Variants in HECTD2 observed in about 807,000 individuals in gnomAD.
HECTD2 encodes probable E3 ubiquitin-protein ligase HECTD2.
A neutral mutation model predicts 103.2 loss-of-function variants in HECTD2; 35 were observed. The ratio of observed to expected loss-of-function variants is 0.34; its 90% CI spans 0.26 to 0.45. The LOEUF is 0.45. Ranked by LOEUF, HECTD2 falls within the 20% of genes least tolerant of loss-of-function variation. The pLI, the probability that HECTD2 is intolerant of heterozygous loss-of-function variation, is 1.00. For synonymous variants in HECTD2, 281 were observed against 329.9 expected (o/e 0.85, Z 1.61); for missense variants, 596 against 937.4 (o/e 0.64, Z 4.76).
chr10:91,501,367 TA>T, intron 20 of HECTD2, 33 bp downstream of exon 20: 2 of 1,376,976 alleles, frequency 1.5e-6, no homozygotes, highest in Non-Finnish European at 2.0e-6. Context: ...ATTTTAAATC[TA>T]AAGGTTACTG....
At chr10:91,439,173 T>A (rs922806247) in intron 2 of HECTD2, among the ~76,000 whole-genome samples, 2 of 152,152 alleles carry the variant, frequency 1.3e-5, no homozygotes, top group Admixed American at 6.6e-5. Flanking sequence ...CTGAATGGTA[T>A]TGCCTAGGTT....
At chr10:91,452,829 A>C (rs539704781) in intron 2 of HECTD2, among the ~76,000 whole-genome samples, 2 of 152,292 alleles carry the variant, frequency 1.3e-5, no homozygotes, top group South Asian at 4.1e-4. Context: ...GTCAATGCAG[A>C]ATCCTATACC....
chr10:91,428,501 A>G (rs1368498721), intron 2 of HECTD2, among the ~76,000 whole-genome samples: 1 of 152,056 alleles, frequency 6.6e-6, no homozygotes, highest in Non-Finnish European at 1.5e-5. Context: ...GATTCTTCCT[A>G]CCCATGAGCA....
At position 91,462,107 on chromosome 10, in the gene HECTD2, G is replaced by A. The variant is rs769940341; in HGVS notation, c.523G>A (p.Ala175Thr). The A allele has an allele frequency of 3.1e-6, 5 of 1,588,810 alleles. No individual in the cohort carries two copies. The Admixed American group carries it at 6.8e-5, about 22-fold the overall frequency. ...ATTGAATTTGCAGAAAGATGCCACT[G>A]CCTCATTTAACACCATTGAAGACTC... ...LNAAFKKDAT[A>T]SFNTIEDSGI... The change falls in exon 5 of 21, where the codon GCC becomes ACC. Residue 175 changes from alanine (A) to threonine (T), a missense_variant. This residue lies in a region of HECTD2 where 220 missense variants were observed against 233.9 expected (regional missense o/e 0.94). Transcript: ENST00000298068.
chr10:91,472,477 G>GCTT (rs1252180215), intron 5 of HECTD2, among the ~76,000 whole-genome samples: 2 of 152,110 alleles, frequency 1.3e-5, no homozygotes, highest in African/African-American at 4.8e-5. Context: ...AAACTGAAGA[G>GCTT]CTTCTGCATA....
chr10:91,475,974 G>A (rs955168203), intron 5 of HECTD2, among the ~76,000 whole-genome samples: 1 of 152,306 alleles, frequency 6.6e-6, no homozygotes, highest in East Asian at 1.9e-4. Context: ...TTTTCTGCTA[G>A]TGCTTTCTAT....
At chr10:91,481,919 G>C (rs1846101362) in intron 7 of HECTD2, among the ~76,000 whole-genome samples, 1 of 151,654 alleles carries the variant, frequency 6.6e-6, no homozygotes, top group Non-Finnish European at 1.5e-5. Context: ...ACATATACAG[G>C]GTAGGGATAG....
chr10:91,477,667 A>G (rs1195806610), intron 5 of HECTD2, among the ~76,000 whole-genome samples: 1 of 152,188 alleles, frequency 6.6e-6, no homozygotes, highest in East Asian at 1.9e-4. Flanking sequence ...GTGTATTGGC[A>G]TTTGCCTCTT....
chr10:91,419,285 G>A (rs1011507035), intron 1 of HECTD2, among the ~76,000 whole-genome samples: 6 of 152,098 alleles, frequency 3.9e-5, no homozygotes, highest in Non-Finnish European at 7.4e-5. Context: ...AAAATATGAC[G>A]AAGAAATTGG....
chr10:91,425,764 T>C (rs1403505237), intron 2 of HECTD2, among the ~76,000 whole-genome samples: 1 of 151,588 alleles, frequency 6.6e-6, no homozygotes. Flanking sequence ...ATGGAAAATA[T>C]ATGAAATACA....
intron 20 of HECTD2, among the ~76,000 whole-genome samples, chr10:91,503,402 G>A (rs1021697891): frequency 1.6e-4 from 24 of 152,228 alleles, no homozygotes; most frequent in Non-Finnish European, 2.5e-4. Flanking sequence ...GACAGTGGGC[G>A]CAGGTCAGTG....
chr10:91,484,054 AAGGAC>A, intron 8 of HECTD2: 1 of 355,532 alleles, frequency 2.8e-6, no homozygotes, highest in South Asian at 4.7e-5. Flanking sequence ...GGATTGCATA[AAGGAC>A]ACTTGCAAAG....
At chr10:91,490,839 C>A (rs984404176) in intron 11 of HECTD2, among the ~76,000 whole-genome samples, 1 of 123,994 alleles carries the variant, frequency 8.1e-6, no homozygotes, top group Admixed American at 1.0e-4. Flanking sequence ...TGCAGTGAGC[C>A]GGGATAGCGC....
chr10:91,498,740 G>T, intron 16 of HECTD2, 132 bp from the exon 17 acceptor site: 1 of 605,424 alleles, frequency 1.7e-6, no homozygotes, highest in Non-Finnish European at 2.9e-6. Flanking sequence ...TATTGCAAGA[G>T]CTTAGCCTTT....
intron 2 of HECTD2, among the ~76,000 whole-genome samples, chr10:91,438,740 T>C (rs887314055): frequency 2.0e-5 from 3 of 152,196 alleles, no homozygotes; most frequent in African/African-American, 7.2e-5. Flanking sequence ...CCAGCATTTG[T>C]TGTTTCCTGA....
chr10:91,500,723 C>A, intron 19 of HECTD2, 106 bp downstream of exon 19: 1 of 585,214 alleles, frequency 1.7e-6, no homozygotes, highest in Non-Finnish European at 3.0e-6. Flanking sequence ...TTAAGTTAGT[C>A]AAAATATTAG....
chr10:91,470,977 CACACACACACACGCACACACACACAG>C (rs1046503615), intron 5 of HECTD2, among the ~76,000 whole-genome samples: 4 of 146,018 alleles, frequency 2.7e-5, no homozygotes, highest in Admixed American at 6.6e-5. Flanking sequence ...GGCAGAGACA[CACACACACACACGCACACACACACAG>C]ACACACACGC....
chr10:91,410,328 C>T (rs1435840239), upstream of HECTD2: 7 of 543,440 alleles, frequency 1.3e-5, no homozygotes, highest in Non-Finnish European at 1.7e-5. Flanking sequence ...GCAGCGGCGG[C>T]TAGAAGCGGC....
intron 2 of HECTD2, among the ~76,000 whole-genome samples, chr10:91,428,541 C>T (rs546224673): frequency 8.3e-4 from 125 of 151,222 alleles, no homozygotes; most frequent in African/African-American, 2.9e-3. Flanking sequence ...TTTATATCCT[C>T]TTTTATTTCA....
Sources: allele counts gnomAD v4.1 joint callset (sites outside exome capture counted in the v4.1 genomes callset), GRCh38; gene constraint gnomAD v4.1.1; regional missense constraint gnomAD v4.1.1; transcripts MANE v1.5; gene names NCBI Gene and HGNC (gene_info 2026-07-23, HGNC 2026-07-21).